The following OR51B5 variants were observed in gnomAD, a reference collection of about 807,000 sequenced individuals.
OR51B5 encodes olfactory receptor family 51 subfamily B member 5, also known as olfactory receptor 51B5.
For synonymous variants in OR51B5, 186 were observed against 144.8 expected (o/e 1.28, Z -2.04); for missense variants, 456 against 374.6 (o/e 1.22, Z -1.79).
chr11:5,363,796 A>T (rs1361056503), intron 1 of OR51B5, among the ~76,000 whole-genome samples: 1 of 152,222 alleles, frequency 6.6e-6, no homozygotes, highest in Non-Finnish European at 1.5e-5. Flanking sequence ...GACCATATGC[A>T]ATACATCCAG....
intron 1 of OR51B5, among the ~76,000 whole-genome samples, chr11:5,473,383 A>C (rs1851258102): frequency 6.6e-6 from 1 of 152,214 alleles, no homozygotes. Flanking sequence ...TGAAGAAATG[A>C]AGGCTTTAAG....
intron 1 of OR51B5, among the ~76,000 whole-genome samples, chr11:5,414,316 C>A (rs1411741513): frequency 6.8e-6 from 1 of 146,262 alleles, no homozygotes. Flanking sequence ...CGGTACCAGC[C>A]ACTGCAAAAT....
chr11:5,447,181 C>A (rs191328514), intron 1 of OR51B5, among the ~76,000 whole-genome samples: 1 of 152,184 alleles, frequency 6.6e-6, no homozygotes, highest in Admixed American at 6.5e-5. Context: ...CAAGGCTAAG[C>A]CTGTTTACCC....
At chr11:5,398,221 AAG>A (rs1849910993) in intron 1 of OR51B5, among the ~76,000 whole-genome samples, 1 of 152,208 alleles carries the variant, frequency 6.6e-6, no homozygotes, top group Non-Finnish European at 1.5e-5. Flanking sequence ...AGTTAGAAAA[AAG>A]AAATTTACAT....
At chr11:5,454,362 T>G (rs748123650) in intron 1 of OR51B5, 1 of 1,613,924 alleles carries the variant, frequency 6.2e-7, no homozygotes, top group Non-Finnish European at 8.5e-7. Flanking sequence ...CCCTCTCATT[T>G]ATAGCGCCAA....
chr11:5,397,637 G>C (rs1439344490), intron 1 of OR51B5, among the ~76,000 whole-genome samples: 1 of 151,752 alleles, frequency 6.6e-6, no homozygotes, highest in Non-Finnish European at 1.5e-5. Context: ...GTGGAAGTCA[G>C]TGTGGTGATT....
chr11:5,476,279 A>G (rs1400844135), intron 1 of OR51B5, among the ~76,000 whole-genome samples: 1 of 152,248 alleles, frequency 6.6e-6, no homozygotes, highest in Non-Finnish European at 1.5e-5. Flanking sequence ...ATTATGAAAC[A>G]GATTCATATT....
chr11:5,440,817 T>C (rs2133775790), intron 1 of OR51B5: 1 of 1,613,884 alleles, frequency 6.2e-7, no homozygotes, highest in Middle Eastern at 1.7e-4. Context: ...CCGCTGTTCC[T>C]GGGATATGAT....
At position 5,492,959 on chromosome 11, in the gene OR51B5, A is replaced by T. The variant is rs1022281656; in HGVS notation, n.84+12610T>A. ...CAGACTCTCTTTGTTATTTGCTTTA[A>T]ACAGCAACAGAAACAAAATTAATGT... On this transcript the variant is annotated intron_variant and non_coding_transcript_variant, in intron 1 of 4. Coordinates refer to the OR51B5 transcript ENST00000415970. Among the ~76,000 whole-genome samples the T allele has an allele frequency of 1.8e-4, 28 of 152,136 alleles. 1 individual carries two copies. The highest frequency in any genetic ancestry group is 6.0e-4 in the African/African-American group (25 of 41,416).
chr11:5,488,785 C>G, intron 1 of OR51B5: 2 of 1,614,038 alleles, frequency 1.2e-6, no homozygotes, highest in Non-Finnish European at 1.7e-6. Context: ...GGAGGCTGCC[C>G]ACTTCTGGAT....
At chr11:5,477,628 A>G (rs1329560970) in intron 1 of OR51B5, among the ~76,000 whole-genome samples, 3 of 152,116 alleles carry the variant, frequency 2.0e-5, no homozygotes, top group Non-Finnish European at 4.4e-5. Flanking sequence ...GGAGTGCCAG[A>G]CAGTCGGCGC....
rs530089349 is a variant in OR51B5, at chr11:5,484,362, C to T, written n.84+21207G>A. On this transcript the variant is annotated intron_variant and non_coding_transcript_variant, in intron 1 of 4. Transcript: ENST00000415970. Reference sequence around the variant, plus strand: ...CCTGCCTCAATCTTTCTGGTCCACACATCCTTAGATAATCACAGAGTAGCA... The same window carrying T: ...CCTGCCTCAATCTTTCTGGTCCACATATCCTTAGATAATCACAGAGTAGCA... Among the ~76,000 whole-genome samples, 200 of 152,312 alleles carry T rather than the reference C, an allele frequency of 1.3e-3. 7 individuals carry two copies. The South Asian group carries it at 0.04, about 31-fold the overall frequency.
intron 1 of OR51B5, chr11:5,441,209 C>G (rs764149656): frequency 6.2e-7 from 1 of 1,613,990 alleles, no homozygotes; most frequent in Non-Finnish European, 8.5e-7. Flanking sequence ...TGAAGAACAT[C>G]TGGACCAGGC....
At chr11:5,361,901 A>G (rs72874669) in intron 1 of OR51B5, among the ~76,000 whole-genome samples, 1 of 152,080 alleles carries the variant, frequency 6.6e-6, no homozygotes, top group Non-Finnish European at 1.5e-5. Flanking sequence ...TATGTGTTCT[A>G]CCAAGTACTT....
chr11:5,406,933 A>G (rs539110628), intron 1 of OR51B5, among the ~76,000 whole-genome samples: 1 of 152,274 alleles, frequency 6.6e-6, no homozygotes, highest in Admixed American at 6.5e-5. Context: ...TAAGTACTCA[A>G]ATGCATAATG....
chr11:5,363,189 T>A (rs1291386756), intron 1 of OR51B5, among the ~76,000 whole-genome samples: 1 of 151,576 alleles, frequency 6.6e-6, no homozygotes, highest in East Asian at 1.9e-4. Context: ...GAAATCATTT[T>A]TCATCAATAC....
intron 1 of OR51B5, among the ~76,000 whole-genome samples, chr11:5,358,154 A>C (rs1849223121): frequency 6.6e-6 from 1 of 152,252 alleles, no homozygotes. Context: ...AGCAGAACTG[A>C]AGGAAATAGA....
At chr11:5,380,179 G>C (rs1849588828) in intron 1 of OR51B5, among the ~76,000 whole-genome samples, 1 of 152,140 alleles carries the variant, frequency 6.6e-6, no homozygotes, top group Admixed American at 6.5e-5. Flanking sequence ...AGAGAGGTAG[G>C]ATGTTACGAA....
At chr11:5,390,166 T>A in intron 1 of OR51B5, 1 of 1,613,924 alleles carries the variant, frequency 6.2e-7, no homozygotes. Flanking sequence ...GCACCGCTCC[T>A]CTCTGTGCTG....
Sources: allele counts gnomAD v4.1 joint callset (sites outside exome capture counted in the v4.1 genomes callset), GRCh38; gene constraint gnomAD v4.1.1; transcripts MANE v1.5; gene names NCBI Gene and HGNC (gene_info 2026-07-23, HGNC 2026-07-21).